Variants in TMEM132D observed in about 807,000 individuals in gnomAD.
TMEM132D encodes the protein mature OL transmembrane protein.
Under a neutral mutation model 62.3 loss-of-function variants are expected in TMEM132D, and 21 were observed. The observed-to-expected ratio is 0.34, with a 90% confidence interval of 0.24 to 0.49. The LOEUF is 0.49. Among genes scored for constraint, TMEM132D ranks in the 20% least tolerant of loss-of-function variants. TMEM132D has a pLI of 0.99. For synonymous variants in TMEM132D, 621 were observed against 575.6 expected, an observed-to-expected ratio of 1.08 and a Z score of -1.13; for missense variants, 1,346 against 1,402.8, an observed-to-expected ratio of 0.96 and a Z score of 0.65.
intron 3 of TMEM132D, among the ~76,000 whole-genome samples, chr12:129,422,833 C>A (rs187345563): frequency 1.3e-5 from 2 of 150,006 alleles, no homozygotes; most frequent in East Asian, 3.9e-4. Flanking sequence ...GCAGGTATTT[C>A]AAAGAGAAAG....
chr12:129,107,562 C>T (rs963709213), intron 5 of TMEM132D, among the ~76,000 whole-genome samples: 6 of 152,176 alleles, frequency 3.9e-5, no homozygotes, highest in Non-Finnish European at 7.4e-5. Context: ...ATAACAAAGA[C>T]AAAATATTCC....
chr12:129,584,844 C>G (rs951442111), intron 2 of TMEM132D, among the ~76,000 whole-genome samples: 1 of 152,120 alleles, frequency 6.6e-6, no homozygotes, highest in Non-Finnish European at 1.5e-5. Flanking sequence ...AAGAACGGCT[C>G]CACATGTGTT....
chr12:129,284,973 G>A (rs1187225835), intron 4 of TMEM132D, among the ~76,000 whole-genome samples: 10 of 152,336 alleles, frequency 6.6e-5, no homozygotes, highest in East Asian at 1.9e-4. Flanking sequence ...TGATGGACAC[G>A]CTTTGGAGAG....
chr12:129,487,928 C>A (rs1182519544), intron 3 of TMEM132D, among the ~76,000 whole-genome samples: 5 of 99,914 alleles, frequency 5.0e-5, no homozygotes. Flanking sequence ...CAGAGGGAGA[C>A]TCCATCTCAA....
chr12:129,693,218 G>A (rs1203208889), intron 2 of TMEM132D, among the ~76,000 whole-genome samples: 1 of 152,132 alleles, frequency 6.6e-6, no homozygotes, highest in Non-Finnish European at 1.5e-5. Flanking sequence ...ATTTTACATT[G>A]TACTGGAGCC....
chr12:129,496,435 C>T (rs1874958371), intron 3 of TMEM132D, among the ~76,000 whole-genome samples: 1 of 151,970 alleles, frequency 6.6e-6, no homozygotes, highest in South Asian at 2.1e-4. Flanking sequence ...GACTCAGCTG[C>T]GACCCCCTGA....
At chr12:129,134,229 A>T (rs1485073729) in intron 5 of TMEM132D, among the ~76,000 whole-genome samples, 1 of 151,874 alleles carries the variant, frequency 6.6e-6, no homozygotes, top group African/African-American at 2.4e-5. Context: ...CTAGTTTGAT[A>T]GTTTGAATTG....
intron 1 of TMEM132D, among the ~76,000 whole-genome samples, chr12:129,849,989 T>C (rs1270938587): frequency 6.6e-6 from 1 of 152,134 alleles, no homozygotes; most frequent in Non-Finnish European, 1.5e-5. Flanking sequence ...AAGAGAAAAA[T>C]GCTCACGCAT....
intron 1 of TMEM132D, among the ~76,000 whole-genome samples, chr12:129,868,625 T>C (rs1270810874): frequency 6.6e-6 from 1 of 152,210 alleles, no homozygotes; most frequent in Non-Finnish European, 1.5e-5. Flanking sequence ...CTATGCCCTG[T>C]ACCCCTGTAA....
chr12:129,617,484 C>T (rs1456023415), intron 2 of TMEM132D, among the ~76,000 whole-genome samples: 1 of 152,154 alleles, frequency 6.6e-6, no homozygotes, highest in East Asian at 1.9e-4. Context: ...TCATAAACAA[C>T]AGAAATGTCT....
intron 4 of TMEM132D, chr12:129,212,595 G>A (rs978919315): frequency 6.6e-6 from 1 of 152,168 alleles, no homozygotes; most frequent in Non-Finnish European, 1.5e-5. Context: ...CTTCCTTATT[G>A]CTGCGTGGTC....
At chr12:129,343,371 A>T (rs975375884) in intron 3 of TMEM132D, among the ~76,000 whole-genome samples, 5 of 151,784 alleles carry the variant, frequency 3.3e-5, no homozygotes, top group African/African-American at 1.2e-4. Flanking sequence ...GTGGGAACTG[A>T]ACAATGAGAA....
chr12:129,183,347 C>A (rs1326322557), intron 5 of TMEM132D, among the ~76,000 whole-genome samples: 1 of 152,210 alleles, frequency 6.6e-6, no homozygotes, highest in Non-Finnish European at 1.5e-5. Flanking sequence ...AAAACAAGAG[C>A]CTGCTCATCC....
chr12:129,177,712 C>T (rs4964862), intron 5 of TMEM132D, among the ~76,000 whole-genome samples: 5 of 151,990 alleles, frequency 3.3e-5, no homozygotes, highest in African/African-American at 7.2e-5. Flanking sequence ...GAGCTATGAT[C>T]GCACCACTGC....
At chr12:129,265,979 C>A (rs905189344) in intron 4 of TMEM132D, among the ~76,000 whole-genome samples, 1 of 152,112 alleles carries the variant, frequency 6.6e-6, no homozygotes, top group Non-Finnish European at 1.5e-5. Flanking sequence ...CATTTACTGC[C>A]TGGCTTGGCA....
At chr12:129,643,291 C>G (rs1879689652) in intron 2 of TMEM132D, among the ~76,000 whole-genome samples, 2 of 152,122 alleles carry the variant, frequency 1.3e-5, no homozygotes, top group Admixed American at 6.5e-5. Context: ...TATTGTGGCC[C>G]CATCTAAAAT....
At chr12:129,193,966 C>T (rs1040461823) in intron 5 of TMEM132D, among the ~76,000 whole-genome samples, 9 of 152,186 alleles carry the variant, frequency 5.9e-5, no homozygotes, top group Non-Finnish European at 1.0e-4. Flanking sequence ...TAAACTGAAG[C>T]TCTTCTGACC....
At chr12:129,312,663 G>A (rs543730001) in intron 4 of TMEM132D, among the ~76,000 whole-genome samples, 125 of 152,134 alleles carry the variant, frequency 8.2e-4, no homozygotes, top group African/African-American at 2.7e-3. Context: ...TCCGCCTCCC[G>A]GGTTCACTCC....
chr12:129,345,111 C>G lies in TMEM132D; in HGVS notation c.1116-7294G>C, dbSNP rs527685527. 3.7e-4 allele frequency among the ~76,000 whole-genome samples: 57 copies of G among 152,262 alleles called. 1 individual carries two copies. The Middle Eastern group carries it at 0.014, about 36-fold the overall frequency. On this transcript the variant is annotated intron_variant, in intron 3 of 8. Coordinates refer to ENST00000422113, the MANE Select transcript of TMEM132D (RefSeq NM_133448.3). ...CACTATTGCCCAGAACCTGCTTGCTCTGGTCCTTCTCATCTAAATCCTCTT... is the reference window on the plus strand; with the variant it reads ...CACTATTGCCCAGAACCTGCTTGCTGTGGTCCTTCTCATCTAAATCCTCTT...
Sources: allele counts gnomAD v4.1 joint callset (sites outside exome capture counted in the v4.1 genomes callset), GRCh38; gene constraint gnomAD v4.1.1; transcripts MANE v1.5; gene names NCBI Gene and HGNC (gene_info 2026-07-23, HGNC 2026-07-21).